GON4L: variants seen among roughly 807,000 people sequenced by gnomAD.
GON4L encodes the protein GON-4-like protein.
A neutral mutation model predicts 211.8 loss-of-function variants in GON4L; 87 were observed. The observed-to-expected ratio is 0.41, with a 90% CI of 0.35 to 0.49. The LOEUF is 0.49. GON4L is among the 20% of genes least tolerant of loss of function. The pLI is 0.15. For missense variants in GON4L, 2,155 were observed against 2,659.5 expected (o/e 0.81, Z 4.17); for synonymous variants, 875 against 962.6 (o/e 0.91, Z 1.68).
At chr1:155,816,013 G>A in intron 7 of GON4L, 113 bp from the exon 8 acceptor site, 1 of 747,836 alleles carries the variant, frequency 1.3e-6, no homozygotes, top group Non-Finnish European at 2.4e-6. Context: ...AGAGCATAAT[G>A]TACAGCTAAA....
intron 13 of GON4L, chr1:155,785,006 C>T (rs1044199182): frequency 2.1e-5 from 8 of 388,762 alleles, no homozygotes; most frequent in South Asian, 2.1e-5. Context: ...GAGGCTTAGA[C>T]GAAGGACTGC....
rs540980466 is a variant in GON4L, at chr1:155,752,419, G to A, written c.6014C>T (p.Ser2005Phe). Residue 2005 changes from serine (S) to phenylalanine (F), a missense_variant, in exon 30 of 32, where the codon TCC (serine) becomes TTC (phenylalanine). Ser to Phe is a radical substitution (Grantham distance 155). Around this residue, in one of 6 missense-constraint regions of GON4L, gnomAD observed 186 missense variants for 308.1 expected, o/e 0.60. Coordinates refer to ENST00000368331, the MANE Select transcript of GON4L (RefSeq NM_001282860.2). Reference protein sequence around the residue: ...KRNQVGPEVRSCPKASPRLQK... With the variant: ...KRNQVGPEVRFCPKASPRLQK... The stretch of plus-strand genomic sequence containing the variant: ...AAGTCTGGGGGATGCCTTGGGGCAG[G>A]AGCGAACCTCAGGCCCAACCTGGTT... The A allele has an allele frequency of 6.3e-6, 10 of 1,575,466 alleles. No homozygotes were observed. The East Asian group carries it at 1.4e-4, about 22-fold the overall frequency.
At chr1:155,818,100 A>C (rs1472726005) in intron 6 of GON4L, among the ~76,000 whole-genome samples, 1 of 151,932 alleles carries the variant, frequency 6.6e-6, no homozygotes, top group Admixed American at 6.6e-5. Flanking sequence ...TCCCCAAATC[A>C]AATAAAGAAT....
chr1:155,840,472 T>C (rs565329441), intron 2 of GON4L, among the ~76,000 whole-genome samples: 46 of 152,306 alleles, frequency 3.0e-4, no homozygotes, highest in African/African-American at 1.1e-3. Context: ...CTGGGCTTTA[T>C]CAAAGCTATA....
intron 24 of GON4L, among the ~76,000 whole-genome samples, chr1:155,758,660 C>T (rs1437812104): frequency 6.6e-6 from 1 of 152,150 alleles, no homozygotes; most frequent in East Asian, 1.9e-4. Flanking sequence ...AGGCAAATCA[C>T]CTGAGGTCAA....
rs933663385 is a variant in GON4L, at chr1:155,851,488, G to T, written c.505+1788C>A. ...CCCAGCACTTTGGGAGGCTGAGGCA[G>T]GTGGGTTACCTGAGGTCAGGAGTTC... is the stretch of plus-strand genomic sequence containing the variant. On this transcript the variant is annotated intron_variant, in intron 2 of 31. Transcript: ENST00000368331. Among the ~76,000 whole-genome samples, 27 of 151,544 alleles carry T rather than the reference G, an allele frequency of 1.8e-4. No homozygotes were observed. The Middle Eastern group carries it at 0.021, about 119-fold the overall frequency.
At chr1:155,776,806 GCCTCC>G (rs1663867104) in intron 15 of GON4L, among the ~76,000 whole-genome samples, 1 of 152,156 alleles carries the variant, frequency 6.6e-6, no homozygotes, top group South Asian at 2.1e-4. Context: ...TCCCACCTCA[GCCTCC>G]CAAAGTGCTG....
intron 19 of GON4L, among the ~76,000 whole-genome samples, chr1:155,768,435 C>A (rs1187981379): frequency 2.6e-5 from 4 of 151,432 alleles, no homozygotes; most frequent in Admixed American, 2.6e-4. Flanking sequence ...ATGGTGAAAC[C>A]CCGTCTCTAC....
chr1:155,769,181 G>A (rs1662895828), intron 19 of GON4L, among the ~76,000 whole-genome samples: 1 of 151,960 alleles, frequency 6.6e-6, no homozygotes. Flanking sequence ...TCACCATATT[G>A]CCCAGGCTGG....
At chr1:155,791,365 T>C (rs1164445919) in intron 12 of GON4L, among the ~76,000 whole-genome samples, 1 of 151,920 alleles carries the variant, frequency 6.6e-6, no homozygotes, top group South Asian at 2.1e-4. Context: ...GGGGAAAAGT[T>C]TAAAGAAAAT....
rs1185225187 is a variant in GON4L at position 155,857,147 on chromosome 1, C to G, written c.-27G>C. The stretch of plus-strand genomic sequence containing the variant: ...TCTTCCCACCCCACCACACACAAAC[C>G]TGTACCCTCACCAGCCGGCCTGATT... On this transcript the variant is annotated splice_region_variant and 5_prime_UTR_variant, in exon 1 of 32. Transcript: ENST00000368331. 6.6e-6 allele frequency: 1 copy of G among 152,562 alleles called. No individual in the cohort carries two copies. Among genetic ancestry groups the G allele is most frequent in the Non-Finnish European group, 1.5e-5 (1 of 68,090 alleles). 9.5% of individuals were successfully genotyped at this position (152,562 alleles called of 1,614,324 possible).
intron 2 of GON4L, among the ~76,000 whole-genome samples, chr1:155,846,793 C>T (rs956382747): frequency 1.3e-5 from 2 of 151,886 alleles, no homozygotes; most frequent in Non-Finnish European, 2.9e-5. Context: ...GGGTGGATGA[C>T]TTGAGGTCAG....
chr1:155,778,439 G>C (rs1321069885), intron 14 of GON4L, among the ~76,000 whole-genome samples: 1 of 152,118 alleles, frequency 6.6e-6, no homozygotes, highest in East Asian at 1.9e-4. Flanking sequence ...TTTTAGTAGA[G>C]ATGGGATTTC....
intron 21 of GON4L, chr1:155,764,426 ATTTTTTTTTTTT>A (rs371568461): frequency 2.7e-4 from 38 of 140,010 alleles, no homozygotes; most frequent in African/African-American, 1.0e-3. Context: ...GTTATTTACT[ATTTTTTTTTTTT>A]TTTTTTTTTT....
In GON4L at chr1:155,752,173, G is replaced by A. The variant is rs781548956; in HGVS notation, c.6260C>T (p.Thr2087Ile). The change falls in exon 30 of 32, where the codon ACA becomes ATA. Residue 2087 changes from threonine to isoleucine, a missense_variant. Around this residue, in one of 6 missense-constraint regions of GON4L, gnomAD observed 186 missense variants for 308.1 expected, o/e 0.60. Coordinates refer to ENST00000368331, the MANE Select transcript of GON4L (RefSeq NM_001282860.2). ...ATGGACAGGGCACGTCCTGTCTCTT[G>A]TCTTCACCCGAGCTCTGCTTGAGGG... ...WLPSSRARVK[T>I]RDRTCPVHES... is the part of the protein sequence containing the mutation. 6.2e-7 allele frequency: 1 copy of A among 1,613,632 alleles called. No homozygotes were observed. The highest frequency in any genetic ancestry group is 8.5e-7 in the Non-Finnish European group (1 of 1,179,682).
At chr1:155,799,489 T>TC (rs1201502572) in intron 11 of GON4L, among the ~76,000 whole-genome samples, 1 of 152,082 alleles carries the variant, frequency 6.6e-6, no homozygotes, top group East Asian at 1.9e-4. Flanking sequence ...ATTTTCACCC[T>TC]CCCCCTAACC....
intron 12 of GON4L, among the ~76,000 whole-genome samples, chr1:155,789,028 T>G (rs1665246746): frequency 6.7e-6 from 1 of 149,456 alleles, no homozygotes; most frequent in Non-Finnish European, 1.5e-5. Flanking sequence ...AGGCGGAGCT[T>G]GCAGTGAGCC....
At position 155,821,535 on chromosome 1, in the gene GON4L, T is replaced by C. The variant is rs1208602803; in HGVS notation, c.902A>G (p.Asn301Ser). The change falls in exon 5 of 32, where the codon AAT (asparagine) becomes AGT (serine). Residue 301 changes from asparagine to serine, a missense_variant. Coordinates refer to ENST00000368331, the MANE Select transcript of GON4L (RefSeq NM_001282860.2). ...TTTCATCATAGCTACCACGTGTTCA[T>C]TTGTGATTACTTCCTGGAGAAAGAT... ...VRNILHEVIT[N>S]EHVVAMMKAA... The C allele has an allele frequency of 6.2e-7, 1 of 1,600,540 alleles. No individual in the cohort carries two copies. Among genetic ancestry groups the C allele is most frequent in the Non-Finnish European group, 8.6e-7 (1 of 1,168,000 alleles).
intron 2 of GON4L, among the ~76,000 whole-genome samples, chr1:155,840,161 A>G (rs1008673446): frequency 6.6e-6 from 1 of 152,176 alleles, no homozygotes; most frequent in Non-Finnish European, 1.5e-5. Context: ...ACATGTCTAA[A>G]TTTTCAGAGT....
Sources: allele counts gnomAD v4.1 joint callset (sites outside exome capture counted in the v4.1 genomes callset), GRCh38; gene constraint gnomAD v4.1.1; regional missense constraint gnomAD v4.1.1; transcripts MANE v1.5; gene names NCBI Gene and HGNC (gene_info 2026-07-23, HGNC 2026-07-21).